Variants in NPSR1 observed in about 807,000 individuals in gnomAD.
NPSR1 encodes the protein neuropeptide S receptor 1, also known as neuropeptide S receptor.
NPSR1 carries 48 observed loss-of-function variants against 46.9 expected under a neutral mutation model. The ratio of observed to expected loss-of-function variants is 1.02; its 90% confidence interval spans 0.81 to 1.30. The LOEUF is 1.30. Among genes scored for constraint, NPSR1 ranks in the 50% most tolerant of loss-of-function variants. NPSR1 has a pLI of 0.00. For missense variants in NPSR1, 450 were observed against 449.5 expected (o/e 1.00, Z -0.01); for synonymous variants, 176 against 168.1 (o/e 1.05, Z -0.36).
At chr7:34,787,622 CAT>C (rs1217398612) in intron 3 of NPSR1, among the ~76,000 whole-genome samples, 1 of 152,076 alleles carries the variant, frequency 6.6e-6, no homozygotes, top group African/African-American at 2.4e-5. Flanking sequence ...TAAAGTGAGA[CAT>C]GTGTGACTCT....
chr7:34,823,007 T>A (rs1011732129), intron 4 of NPSR1, among the ~76,000 whole-genome samples: 2 of 152,142 alleles, frequency 1.3e-5, no homozygotes, highest in African/African-American at 4.8e-5. Flanking sequence ...AAGAAAAATA[T>A]CCTTTTTATA....
intron 1 of NPSR1, among the ~76,000 whole-genome samples, chr7:34,682,435 A>T (rs1207242801): frequency 1.3e-5 from 2 of 152,196 alleles, no homozygotes; most frequent in Admixed American, 6.5e-5. Context: ...TAGACACATT[A>T]TCCCCAACCC....
At position 34,745,962 on chromosome 7, in the gene NPSR1, A is replaced by C. The variant is rs537043987; in HGVS notation, c.281-32500A>C. 1.2e-4 allele frequency among the ~76,000 whole-genome samples: 19 copies of C among 152,376 alleles called. 1 individual carries two copies. The South Asian group carries it at 3.9e-3, about 32-fold the overall frequency. Reference sequence around the variant, plus strand: ...GTACACTCATGAGAAAATGAAAGTGAAAAGACAAATACAGTCTTAGTATTA... The same window carrying C: ...GTACACTCATGAGAAAATGAAAGTGCAAAGACAAATACAGTCTTAGTATTA... On this transcript the variant is annotated intron_variant, in intron 2 of 8. Coordinates refer to ENST00000360581, the MANE Select transcript of NPSR1 (RefSeq NM_207172.2).
Position 34,827,592 on chromosome 7 carries a change from A to G in NPSR1, c.670A>G (p.Thr224Ala). ...VAFLVYFIPL[T>A]IISIMYGIVI... ...CTTCCTGGTGTACTTCATCCCTCTG[A>G]CAATCATCAGGTAAGAAGCCGTCAG... Residue 224 changes from threonine to alanine, a missense_variant, in exon 5 of 9, where the codon ACA (threonine) becomes GCA (alanine). Thr to Ala is a moderately conservative substitution (Grantham distance 58). Transcript: ENST00000360581. 6.9e-7 allele frequency: 1 copy of G among 1,457,902 alleles called. No homozygotes were observed. The highest frequency in any genetic ancestry group is 1.1e-5 in the South Asian group (1 of 89,064). 90.3% of individuals were successfully genotyped at this position (1,457,902 alleles called of 1,614,324 possible).
chr7:34,740,984 T>G (rs552692140), intron 2 of NPSR1, among the ~76,000 whole-genome samples: 1 of 152,338 alleles, frequency 6.6e-6, no homozygotes, highest in South Asian at 2.1e-4. Context: ...TTATTTTTCT[T>G]TCAGCACCTT....
intron 2 of NPSR1, among the ~76,000 whole-genome samples, chr7:34,709,090 G>A (rs1056678316): frequency 1.3e-5 from 2 of 152,086 alleles, no homozygotes; most frequent in African/African-American, 4.8e-5. Flanking sequence ...GGAGTTGCAG[G>A]GTCATTCTTC....
downstream of NPSR1, among the ~76,000 whole-genome samples, chr7:34,850,927 G>A (rs184532045): frequency 2.8e-4 from 42 of 152,316 alleles, no homozygotes; most frequent in African/African-American, 1.0e-3. Context: ...GGAAGTGCTG[G>A]TGGGGCTTAT....
At chr7:34,715,087 T>C (rs1783495491) in intron 2 of NPSR1, among the ~76,000 whole-genome samples, 1 of 152,256 alleles carries the variant, frequency 6.6e-6, no homozygotes, top group African/African-American at 2.4e-5. Context: ...GGAGCCTGGC[T>C]GTCAGAGCAG....
intron 5 of NPSR1, among the ~76,000 whole-genome samples, chr7:34,827,994 A>G (rs763045648): frequency 3.3e-5 from 5 of 152,212 alleles, no homozygotes; most frequent in Non-Finnish European, 7.3e-5. Flanking sequence ...ATCATACCAT[A>G]TTATTTCTTT....
intron 2 of NPSR1, among the ~76,000 whole-genome samples, chr7:34,752,527 G>A (rs758592342): frequency 5.3e-5 from 8 of 152,098 alleles, no homozygotes; most frequent in Admixed American, 2.6e-4. Context: ...TCCAGCCTTC[G>A]TACAGGGGCA....
At chr7:34,680,464 C>T (rs1199848559) in intron 1 of NPSR1, among the ~76,000 whole-genome samples, 1 of 152,034 alleles carries the variant, frequency 6.6e-6, no homozygotes, top group Non-Finnish European at 1.5e-5. Flanking sequence ...TACCCAGAAC[C>T]ACTAAAGAGA....
chr7:34,774,005 G>A (rs1342732461), intron 2 of NPSR1, among the ~76,000 whole-genome samples: 3 of 152,076 alleles, frequency 2.0e-5, no homozygotes, highest in African/African-American at 7.2e-5. Context: ...TCAGGTCCCT[G>A]TCCACACAGC....
At chr7:34,832,753 T>C (rs1031911448) in intron 5 of NPSR1, among the ~76,000 whole-genome samples, 1 of 152,234 alleles carries the variant, frequency 6.6e-6, no homozygotes, top group Non-Finnish European at 1.5e-5. Flanking sequence ...ACATGGTTGA[T>C]AACCATAAAT....
At chr7:34,735,466 A>T (rs545704738) in intron 2 of NPSR1, among the ~76,000 whole-genome samples, 1 of 152,348 alleles carries the variant, frequency 6.6e-6, no homozygotes, top group African/African-American at 2.4e-5. Context: ...TAATAAATGA[A>T]TACATCAATA....
intron 3 of NPSR1, among the ~76,000 whole-genome samples, chr7:34,792,327 G>T (rs1299761798): frequency 1.3e-5 from 2 of 151,626 alleles, no homozygotes; most frequent in African/African-American, 4.8e-5. Flanking sequence ...ATGATAAAGG[G>T]TTAATATCCA....
chr7:34,718,528 A>T (rs968294368), intron 2 of NPSR1, among the ~76,000 whole-genome samples: 2 of 152,206 alleles, frequency 1.3e-5, no homozygotes, highest in Admixed American at 6.5e-5. Context: ...GGCTGTTCTG[A>T]TATGATCCAT....
chr7:34,684,428 G>C (rs1792817137), intron 1 of NPSR1, 124 bp from the exon 2 acceptor site: 1 of 859,976 alleles, frequency 1.2e-6, no homozygotes, highest in Non-Finnish European at 1.9e-6. Flanking sequence ...GTTTTCTTGA[G>C]AGTAGAGCTT....
chr7:34,871,118 T>C (rs1222695774), intron 8 of NPSR1, among the ~76,000 whole-genome samples: 1 of 151,788 alleles, frequency 6.6e-6, no homozygotes, highest in African/African-American at 2.4e-5. Context: ...TGGTTCATGG[T>C]TCTGCAGGCT....
At chr7:34,761,066 A>G (rs193258385) in intron 2 of NPSR1, 1 of 152,886 alleles carries the variant, frequency 6.5e-6, no homozygotes, top group Non-Finnish European at 1.5e-5. Context: ...AACCACAAAG[A>G]CCACCCCTAG....
Sources: gnomAD v4.1 joint callset for allele counts (sites outside exome capture counted in the v4.1 genomes callset) on GRCh38, gnomAD v4.1.1 for gene constraint, MANE v1.5 for transcripts, NCBI Gene and HGNC (gene_info 2026-07-23, HGNC 2026-07-21) for gene names.